The following NYAP2 variants were observed in gnomAD, a reference collection of about 807,000 sequenced individuals.
The protein encoded by NYAP2 is neuronal tyrosine-phosphorylated phosphoinositide-3-kinase adapter 2.
Under a neutral mutation model 50.4 loss-of-function variants are expected in NYAP2, and 23 were observed. The ratio of observed to expected loss-of-function variants is 0.46; its 90% confidence interval spans 0.33 to 0.65. NYAP2 has a LOEUF of 0.65. Ranked by LOEUF, NYAP2 falls within the 30% of genes least tolerant of loss-of-function variation. The probability of loss-of-function intolerance (pLI) is 0.02; values close to 1 mark genes in which losing one functional copy is unlikely to be tolerated. For synonymous variants in NYAP2, 394 were observed against 365.2 expected (o/e 1.08, Z -0.90); for missense variants, 885 against 861.0 (o/e 1.03, Z -0.35).
At chr2:225,662,534 TGGGAGGG>T in the NYAP2 span, among the ~76,000 whole-genome samples, 1 of 152,220 alleles carries the variant, frequency 6.6e-6, no homozygotes, top group African/African-American at 2.4e-5. Flanking sequence ...CACTTTAAAG[TGGGAGGG>T]GGGAACCCCA....
chr2:225,566,554 T>C (rs975658628), intron 4 of NYAP2, among the ~76,000 whole-genome samples: 1 of 152,230 alleles, frequency 6.6e-6, no homozygotes, highest in Non-Finnish European at 1.5e-5. Context: ...TTAATTGTGC[T>C]TTTATTGGGT....
At chr2:225,487,441 CT>C (rs1412837350) in intron 3 of NYAP2, among the ~76,000 whole-genome samples, 1 of 152,080 alleles carries the variant, frequency 6.6e-6, no homozygotes, top group Non-Finnish European at 1.5e-5. Flanking sequence ...CTCACTGCAA[CT>C]TCCGCCTCCT....
chr2:225,646,914 G>A (rs1693645124), intron 6 of NYAP2, among the ~76,000 whole-genome samples: 1 of 152,106 alleles, frequency 6.6e-6, no homozygotes, highest in African/African-American at 2.4e-5. Flanking sequence ...GACATTTGGA[G>A]TTTGCTTGGA....
exon 6 of NYAP2, chr2:225,627,021 G>A (rs1346826052): frequency 1.3e-6 from 2 of 1,594,534 alleles, no homozygotes; most frequent in African/African-American, 1.3e-5. Flanking sequence ...CAGAGAGCCT[G>A]TCAAAGCTCA....
At chr2:225,544,386 G>A (rs1002231440) in intron 4 of NYAP2, among the ~76,000 whole-genome samples, 6 of 151,484 alleles carry the variant, frequency 4.0e-5, no homozygotes, top group East Asian at 1.9e-4. Flanking sequence ...TAATTTTCTC[G>A]TGGTAGGATT....
intron 3 of NYAP2, among the ~76,000 whole-genome samples, chr2:225,474,537 G>A (rs1230410152): frequency 6.6e-6 from 1 of 152,144 alleles, no homozygotes; most frequent in Non-Finnish European, 1.5e-5. Context: ...TCCCTTGTAA[G>A]TTGGATTCCT....
At chr2:225,589,321 A>C (rs1425371411) in intron 5 of NYAP2, among the ~76,000 whole-genome samples, 1 of 55,852 alleles carries the variant, frequency 1.8e-5, no homozygotes, top group African/African-American at 8.0e-5. Context: ...ACATGGAATA[A>C]ATGTTAGTTT....
At chr2:225,589,516 A>AAAATATATATATAT (rs112700820) in intron 5 of NYAP2, among the ~76,000 whole-genome samples, 25 of 71,326 alleles carry the variant, frequency 3.5e-4, no homozygotes, top group African/African-American at 7.7e-4. Context: ...CTAAAAGTAA[A>AAAATATATATATAT]ATATATATAT....
chr2:225,444,495 T>G (rs1689521164), intron 3 of NYAP2, among the ~76,000 whole-genome samples: 1 of 152,176 alleles, frequency 6.6e-6, no homozygotes, highest in Non-Finnish European at 1.5e-5. Flanking sequence ...ACTGGGTTTA[T>G]ATACACACAC....
chr2:225,459,822 G>A (rs749963118), intron 3 of NYAP2, among the ~76,000 whole-genome samples: 5 of 151,810 alleles, frequency 3.3e-5, no homozygotes, highest in Non-Finnish European at 7.4e-5. Flanking sequence ...ACAGGCACCC[G>A]CCACCACGCC....
At chr2:225,654,010 C>T (rs1251263045) in exon 7 of NYAP2, 9 of 146,298 alleles carry the variant, frequency 6.2e-5, no homozygotes, top group Non-Finnish European at 1.2e-4. Context: ...CAGAGCGAGA[C>T]TCCATCTCAA....
At chr2:225,566,167 C>G (rs1691958216) in intron 4 of NYAP2, among the ~76,000 whole-genome samples, 2 of 152,084 alleles carry the variant, frequency 1.3e-5, no homozygotes, top group Non-Finnish European at 2.9e-5. Flanking sequence ...ACAAATAAAG[C>G]ATTTGATAAA....
chr2:225,549,488 G>A (rs1383825607), intron 4 of NYAP2, among the ~76,000 whole-genome samples: 1 of 152,148 alleles, frequency 6.6e-6, no homozygotes, highest in Non-Finnish European at 1.5e-5. Context: ...AGTCATTGCT[G>A]ATGGGAAAGA....
intron 3 of NYAP2, among the ~76,000 whole-genome samples, chr2:225,507,523 T>C (rs529268198): frequency 5.3e-5 from 8 of 152,304 alleles, no homozygotes; most frequent in Non-Finnish European, 1.0e-4. Flanking sequence ...CTTTGAAAAA[T>C]TGATGCAAGT....
chr2:225,575,388 T>TA (rs1263064001), intron 4 of NYAP2, among the ~76,000 whole-genome samples: 1 of 152,176 alleles, frequency 6.6e-6, no homozygotes, highest in African/African-American at 2.4e-5. Flanking sequence ...TTTAGAGATG[T>TA]AAAAAGCAAT....
intron 3 of NYAP2, among the ~76,000 whole-genome samples, chr2:225,502,167 C>A (rs1286642189): frequency 1.3e-5 from 2 of 152,166 alleles, no homozygotes; most frequent in South Asian, 2.1e-4. Flanking sequence ...AATCTGGCAG[C>A]ACTGTAGAGA....
chr2:225,513,593 C>T, exon 4 of NYAP2: 1 of 1,589,154 alleles, frequency 6.3e-7, no homozygotes, highest in South Asian at 1.1e-5. Flanking sequence ...GGGACCCCAG[C>T]ACCAAGCTGA....
At chr2:225,422,064 C>G (rs1317304584) in intron 3 of NYAP2, among the ~76,000 whole-genome samples, 5 of 151,414 alleles carry the variant, frequency 3.3e-5, no homozygotes, top group Non-Finnish European at 5.9e-5. Context: ...CATTTCAATT[C>G]CAATATTTCT....
intron 3 of NYAP2, among the ~76,000 whole-genome samples, chr2:225,411,448 T>C (rs1395334979): frequency 6.6e-6 from 1 of 152,076 alleles, no homozygotes; most frequent in East Asian, 1.9e-4. Flanking sequence ...GTATGACGAT[T>C]TTATGAAGCC....
Sources: allele counts gnomAD v4.1 joint callset (sites outside exome capture counted in the v4.1 genomes callset), GRCh38; gene constraint gnomAD v4.1.1; transcripts MANE v1.5; gene names NCBI Gene and HGNC (gene_info 2026-07-23, HGNC 2026-07-21).